The following RFPL1 variants were observed in gnomAD, a reference collection of about 807,000 sequenced individuals.
The protein encoded by RFPL1 is ret finger protein-like 1.
RFPL1 carries 6 observed loss-of-function variants against 9.6 expected under a neutral mutation model. The observed-to-expected ratio is 0.62, with a 90% CI of 0.34 to 1.23. The LOEUF (loss-of-function observed/expected upper bound fraction) is 1.23, where lower values mean the gene tolerates loss of function less well. Among genes scored for constraint, RFPL1 ranks in the 50% most tolerant of loss-of-function variants. RFPL1 has a pLI of 0.03. For synonymous variants in RFPL1, 145 were observed against 149.4 expected, an observed-to-expected ratio of 0.97 and a Z score of 0.22; for missense variants, 352 against 398.4, an observed-to-expected ratio of 0.88 and a Z score of 0.99.
chr22:29,398,394 C>T, the RFPL1 span, among the ~76,000 whole-genome samples: 1 of 152,162 alleles, frequency 6.6e-6, no homozygotes, highest in Non-Finnish European at 1.5e-5. Context: ...AGACTCCACG[C>T]AAAAATCATG....
the RFPL1 span, among the ~76,000 whole-genome samples, chr22:29,429,123 A>G: frequency 6.6e-6 from 1 of 152,124 alleles, no homozygotes; most frequent in African/African-American, 2.4e-5. Flanking sequence ...TGGCATGATC[A>G]TGGCTCACTG....
chr22:29,429,276 G>A, the RFPL1 span, among the ~76,000 whole-genome samples: 1 of 151,972 alleles, frequency 6.6e-6, no homozygotes, highest in African/African-American at 2.4e-5. Context: ...GGCTGGTCCT[G>A]TACTCCTGCT....
At chr22:29,419,133 C>T in the RFPL1 span, 1 of 1,590,902 alleles carries the variant, frequency 6.3e-7, no homozygotes, top group Non-Finnish European at 8.6e-7. Flanking sequence ...TTCCAGCTGC[C>T]ACCAGGCCTA....
the RFPL1 span, chr22:29,419,010 T>C: frequency 5.9e-6 from 4 of 675,224 alleles, no homozygotes; most frequent in East Asian, 2.5e-5. Flanking sequence ...AAACCTTCTA[T>C]TGGGAAGAAA....
the RFPL1 span, among the ~76,000 whole-genome samples, chr22:29,409,879 G>A: frequency 2.6e-5 from 4 of 152,080 alleles, no homozygotes; most frequent in African/African-American, 9.7e-5. Flanking sequence ...GTTGGATGAT[G>A]GTAGTCAAAA....
chr22:29,438,518 T>A, upstream of RFPL1: 1 of 1,123,206 alleles, frequency 8.9e-7, no homozygotes. Context: ...TCAATCAATC[T>A]CTTGCTGGGG....
At chr22:29,388,009 T>TA in the RFPL1 span, among the ~76,000 whole-genome samples, 1 of 152,184 alleles carries the variant, frequency 6.6e-6, no homozygotes, top group Non-Finnish European at 1.5e-5. Context: ...ACGGGACCGT[T>TA]TTCTAGTTTT....
At chr22:29,415,486 T>C in the RFPL1 span, among the ~76,000 whole-genome samples, 1 of 152,232 alleles carries the variant, frequency 6.6e-6, no homozygotes, top group African/African-American at 2.4e-5. Context: ...CCCAGGAGCA[T>C]GCTCAGGAAC....
chr22:29,414,410 G>A, the RFPL1 span, among the ~76,000 whole-genome samples: 1 of 152,112 alleles, frequency 6.6e-6, no homozygotes, highest in Admixed American at 6.5e-5. Context: ...ATTATCCTTT[G>A]CTATAAATAA....
exon 1 of RFPL1, chr22:29,438,816 A>G: frequency 6.2e-7 from 1 of 1,613,856 alleles, no homozygotes; most frequent in Non-Finnish European, 8.5e-7. Flanking sequence ...ACTTGTCACA[A>G]CTAACAGGCT....
the RFPL1 span, among the ~76,000 whole-genome samples, chr22:29,424,522 T>C: frequency 2.6e-5 from 4 of 152,096 alleles, no homozygotes; most frequent in Non-Finnish European, 4.4e-5. Flanking sequence ...CAAGGTCAAA[T>C]GGCTTGTAAG....
the RFPL1 span, among the ~76,000 whole-genome samples, chr22:29,401,679 T>C: frequency 9.2e-5 from 14 of 152,340 alleles, no homozygotes; most frequent in African/African-American, 3.1e-4. Flanking sequence ...CAGATGAACA[T>C]AGAGTATCTT....
the RFPL1 span, among the ~76,000 whole-genome samples, chr22:29,403,071 C>T: frequency 1.3e-5 from 2 of 151,464 alleles, no homozygotes; most frequent in Non-Finnish European, 2.9e-5. Flanking sequence ...GCTCTGACTA[C>T]ACTCTCACGA....
At chr22:29,439,415 CGAGGT>C in intron 1 of RFPL1, 1 of 555,294 alleles carries the variant, frequency 1.8e-6, no homozygotes, top group South Asian at 2.3e-5. Flanking sequence ...GGGTGGATCA[CGAGGT>C]CAGGAGATCG....
At chr22:29,391,989 G>C in the RFPL1 span, among the ~76,000 whole-genome samples, 4 of 152,174 alleles carry the variant, frequency 2.6e-5, no homozygotes, top group African/African-American at 7.2e-5. Flanking sequence ...GACATACTGG[G>C]AGGCTATGGG....
intron 1 of RFPL1, chr22:29,440,716 G>C (rs1487305408): frequency 6.6e-6 from 1 of 152,130 alleles, no homozygotes; most frequent in Non-Finnish European, 1.5e-5. Context: ...AGGACTACAG[G>C]CACCCGCCAC....
chr22:29,441,621 C>T, exon 2 of RFPL1: 1 of 1,613,934 alleles, frequency 6.2e-7, no homozygotes, highest in African/African-American at 1.3e-5. Context: ...GAAGTGGGTG[C>T]ATCACACAGA....
At chr22:29,395,703 T>G in the RFPL1 span, among the ~76,000 whole-genome samples, 1 of 152,038 alleles carries the variant, frequency 6.6e-6, no homozygotes, top group African/African-American at 2.4e-5. Context: ...ATGGGCACAG[T>G]GGCTCACACC....
In RFPL1 at chr22:29,441,500, G is replaced by A. The variant is rs754763262; in HGVS notation, c.374-42G>A. The A allele has an allele frequency of 5.7e-6, 9 of 1,579,412 alleles. No individual in the cohort carries two copies. In the Admixed American group the frequency reaches 1.6e-4, roughly 27 times the overall value. On this transcript the variant is annotated intron_variant, in intron 1 of 1. Transcript: ENST00000354373. ...GAAGTAGAGGAGAGGCATGGGGTTG[G>A]CTTCTGTCCATTTTCTGATCAACTT...
Sources: gnomAD v4.1 joint callset for allele counts (sites outside exome capture counted in the v4.1 genomes callset) on GRCh38, gnomAD v4.1.1 for gene constraint, MANE v1.5 for transcripts, NCBI Gene and HGNC (gene_info 2026-07-23, HGNC 2026-07-21) for gene names.